Variants in NDUFAF7 observed in about 807,000 individuals in gnomAD.
The protein encoded by NDUFAF7 is protein arginine methyltransferase NDUFAF7, mitochondrial.
A neutral mutation model predicts 47.2 loss-of-function variants in NDUFAF7; 48 were observed. The observed-to-expected ratio is 1.02, with a 90% CI of 0.81 to 1.29. The LOEUF is 1.29. Ranked by LOEUF, NDUFAF7 falls within the 50% of genes most tolerant of loss-of-function variation. The pLI is 0.00. For synonymous variants in NDUFAF7, 217 were observed against 190.0 expected, an observed-to-expected ratio of 1.14 and a Z score of -1.17; for missense variants, 635 against 537.6, an observed-to-expected ratio of 1.18 and a Z score of -1.79.
chr2:37,257,931 G>T (rs1006756266), downstream of NDUFAF7, among the ~76,000 whole-genome samples: 1 of 152,038 alleles, frequency 6.6e-6, no homozygotes, highest in African/African-American at 2.4e-5. Flanking sequence ...TATGTAAAGG[G>T]AGCCATAGTC....
the NDUFAF7 span, chr2:37,267,386 T>C: frequency 1.2e-5 from 16 of 1,340,490 alleles, 1 homozygote; most frequent in South Asian, 2.1e-4. Context: ...TTCAGATTCT[T>C]ACCAGCCTCT....
At chr2:37,267,359 A>G in the NDUFAF7 span, 4 of 1,128,420 alleles carry the variant, frequency 3.5e-6, no homozygotes, top group Admixed American at 4.9e-5. Flanking sequence ...AAAAAAAAAA[A>G]AAAGAGAAGC....
chr2:37,234,614 AAG>A (rs986749355), intron 2 of NDUFAF7, among the ~76,000 whole-genome samples: 25 of 152,182 alleles, frequency 1.6e-4, no homozygotes, highest in African/African-American at 5.8e-4. Context: ...AGCCTAGAAG[AAG>A]AGATGTGTGG....
chr2:37,256,939 G>C (rs1445210538), downstream of NDUFAF7: 3 of 1,613,466 alleles, frequency 1.9e-6, no homozygotes, highest in Non-Finnish European at 2.5e-6. Flanking sequence ...CCTGGAAATT[G>C]AAGGATGATG....
chr2:37,243,607 T>G (rs770766833), intron 6 of NDUFAF7, among the ~76,000 whole-genome samples: 2 of 152,242 alleles, frequency 1.3e-5, no homozygotes, highest in Non-Finnish European at 2.9e-5. Flanking sequence ...TTCCTGAGTC[T>G]ATTTCCGTTT....
At chr2:37,258,308 G>A (rs113347240), downstream of NDUFAF7, among the ~76,000 whole-genome samples, 254 of 152,228 alleles carry the variant, frequency 1.7e-3, no homozygotes, top group Admixed American at 4.8e-3. Flanking sequence ...GCTGCTTCTC[G>A]ATTTCAGTGT....
At chr2:37,262,202 A>C in the NDUFAF7 span, among the ~76,000 whole-genome samples, 1 of 152,104 alleles carries the variant, frequency 6.6e-6, no homozygotes, top group East Asian at 1.9e-4. Context: ...GGGGACTCAC[A>C]TGTTTTTGGC....
intron 1 of NDUFAF7, 136 bp from the exon 2 acceptor site, chr2:37,231,970 G>C: frequency 6.2e-7 from 1 of 1,600,772 alleles, no homozygotes; most frequent in Non-Finnish European, 8.5e-7. Context: ...CCGTGGGCGT[G>C]CTAAGCACAG....
the NDUFAF7 span, chr2:37,267,398 T>C: frequency 1.1e-5 from 16 of 1,437,468 alleles, no homozygotes; most frequent in South Asian, 1.5e-4. Context: ...CCAGCCTCTT[T>C]AATAAACCAG....
At chr2:37,246,836 C>T (rs1385243657) in intron 8 of NDUFAF7, among the ~76,000 whole-genome samples, 2 of 152,046 alleles carry the variant, frequency 1.3e-5, no homozygotes, top group Non-Finnish European at 2.9e-5. Context: ...TCTGACTGAC[C>T]AGGTCTGGTT....
chr2:37,248,501 A>G lies in NDUFAF7; in HGVS notation c.*151A>G. The G allele has an allele frequency of 1.3e-6, 1 of 785,874 alleles. No homozygotes were observed. The allele number at this position is 785,874 out of a possible 1,614,324, so 48.7% of individuals were successfully genotyped here. A position where few individuals can be genotyped will look rare whatever the true frequency, so the allele number is the denominator to read the frequency against. Reference sequence around the variant, plus strand: ...TTGTATATAATACAACCAACATTATAGAACTTTTAGGGTTGTGACTGGCTT... The same window carrying G: ...TTGTATATAATACAACCAACATTATGGAACTTTTAGGGTTGTGACTGGCTT... On this transcript the variant is annotated 3_prime_UTR_variant, in exon 10 of 10. Transcript: ENST00000002125.
intron 4 of NDUFAF7, 110 bp from the exon 5 acceptor site, chr2:37,241,468 C>T: frequency 4.3e-6 from 4 of 929,256 alleles, no homozygotes; most frequent in Non-Finnish European, 6.7e-6. Context: ...GAACACATCT[C>T]TCTGAAATAT....
the NDUFAF7 span, among the ~76,000 whole-genome samples, chr2:37,258,830 AGTCTTGC>A: frequency 6.6e-6 from 1 of 152,222 alleles, no homozygotes; most frequent in South Asian, 2.1e-4. Context: ...TGTTGTCCTT[AGTCTTGC>A]CATTTGTCTA....
At chr2:37,257,819 G>C (rs1572607980), downstream of NDUFAF7, among the ~76,000 whole-genome samples, 3 of 152,224 alleles carry the variant, frequency 2.0e-5, no homozygotes, top group East Asian at 5.8e-4. Flanking sequence ...GGGGACACCA[G>C]TGGAATAATG....
the NDUFAF7 span, chr2:37,259,441 C>T: frequency 1.7e-5 from 9 of 532,964 alleles, no homozygotes; most frequent in Non-Finnish European, 3.1e-5. Context: ...TATTAATCCT[C>T]ACTGGTAGTT....
intron 4 of NDUFAF7, among the ~76,000 whole-genome samples, chr2:37,239,753 T>TC (rs1262772386): frequency 6.6e-6 from 1 of 152,214 alleles, no homozygotes; most frequent in African/African-American, 2.4e-5. Flanking sequence ...AGAGTTCGTA[T>TC]CATATGATTG....
downstream of NDUFAF7, chr2:37,252,950 T>G: frequency 2.8e-6 from 1 of 359,078 alleles, no homozygotes; most frequent in Non-Finnish European, 4.9e-6. Flanking sequence ...TTGCTTAGGC[T>G]AAAAAAGTTT....
At chr2:37,270,949 T>C in the NDUFAF7 span, among the ~76,000 whole-genome samples, 1 of 152,218 alleles carries the variant, frequency 6.6e-6, no homozygotes. Flanking sequence ...TTATTCAAAA[T>C]TTGAGTGCTC....
the NDUFAF7 span, chr2:37,259,616 A>G: frequency 1.2e-6 from 2 of 1,613,522 alleles, no homozygotes; most frequent in Middle Eastern, 1.7e-4. Flanking sequence ...CAAGCAGCAC[A>G]TTTTCTGGCT....
Sources: allele counts gnomAD v4.1 joint callset (sites outside exome capture counted in the v4.1 genomes callset), GRCh38; gene constraint gnomAD v4.1.1; transcripts MANE v1.5; gene names NCBI Gene and HGNC (gene_info 2026-07-23, HGNC 2026-07-21).